The following NUP93 variants were observed in gnomAD, a reference collection of about 807,000 sequenced individuals.
NUP93 encodes nuclear pore complex protein Nup93.
A neutral mutation model predicts 107.8 loss-of-function variants in NUP93; 55 were observed. That is an observed-to-expected ratio of 0.51 (90% CI 0.41 to 0.64). The LOEUF is 0.64. Ranked by LOEUF, NUP93 falls within the 30% of genes least tolerant of loss-of-function variation. The pLI, the probability that NUP93 is intolerant of heterozygous loss-of-function variation, is 0.00. For missense variants in NUP93, 937 were observed against 1,044.7 expected (o/e 0.90, Z 1.42); for synonymous variants, 390 against 397.5 (o/e 0.98, Z 0.22).
chr16:56,772,460 T>C (rs1297170725), intron 3 of NUP93, among the ~76,000 whole-genome samples: 1 of 152,256 alleles, frequency 6.6e-6, no homozygotes, highest in Non-Finnish European at 1.5e-5. Flanking sequence ...TATTCTTTTC[T>C]GCAAAGACAC....
At chr16:56,785,487 G>A (rs1340632685) in intron 3 of NUP93, among the ~76,000 whole-genome samples, 1 of 152,108 alleles carries the variant, frequency 6.6e-6, no homozygotes, top group South Asian at 2.1e-4. Context: ...ATTTTAGCCT[G>A]GCTGATAGTG....
chr16:56,739,613 C>T (rs1327798810), intron 1 of NUP93, among the ~76,000 whole-genome samples: 14 of 100,304 alleles, frequency 1.4e-4, no homozygotes, highest in East Asian at 7.8e-4. Context: ...GGCGGCTGGC[C>T]GGGCGGGGGG....
At chr16:56,823,928 C>G (rs971782741) in intron 8 of NUP93, 82 bp downstream of exon 8, 4 of 1,509,192 alleles carry the variant, frequency 2.7e-6, no homozygotes, top group Admixed American at 3.6e-5. Flanking sequence ...TGTCCTCAGG[C>G]TAGGTGTGCT....
At position 56,841,774 on chromosome 16, in the gene NUP93, A is replaced by G. The variant is rs770568073; in HGVS notation, c.2290A>G (p.Lys764Glu). Residue 764 changes from lysine (K) to glutamate (E), a missense_variant, in exon 21 of 22, where the codon AAG becomes GAG. By Grantham distance (56) the Lys-to-Glu change is moderately conservative. Coordinates refer to ENST00000308159, the MANE Select transcript of NUP93 (RefSeq NM_014669.5). The part of the protein sequence containing the change: ...NILFTQFKRL[K>E]GTSPSSSSRP... Reference sequence around the variant, plus strand: ...CTTGTTCACACAGTTTAAGAGGCTCAAGGGGACAAGTCCATCCTCGTCATC... The same window carrying G: ...CTTGTTCACACAGTTTAAGAGGCTCGAGGGGACAAGTCCATCCTCGTCATC... 2 of 1,613,528 alleles carry G rather than the reference A, an allele frequency of 1.2e-6. No individual in the cohort carries two copies. The highest frequency in any genetic ancestry group is 1.7e-5 in the Admixed American group (1 of 60,024).
chr16:56,784,098 T>A (rs553196933), intron 3 of NUP93, among the ~76,000 whole-genome samples: 1 of 152,178 alleles, frequency 6.6e-6, no homozygotes, highest in African/African-American at 2.4e-5. Flanking sequence ...TAATTATTCA[T>A]CAGTAATTTA....
rs75635391 is a variant in NUP93, at chr16:56,797,902, T to C, written c.298-574T>C. 3.2e-3 allele frequency among the ~76,000 whole-genome samples: 492 copies of C among 152,300 alleles called. 6 individuals carry two copies. Among genetic ancestry groups the C allele is most frequent in the African/African-American group, 0.011 (465 of 41,544 alleles). On this transcript the variant is annotated intron_variant, in intron 3 of 21. Transcript: ENST00000308159. ...TATTAAACTAGACTTGTAGGCTGTC[T>C]TTTCACCTCACCTGTATTAAACGAG...
chr16:56,743,533 G>C (rs1961771710), intron 1 of NUP93, among the ~76,000 whole-genome samples: 1 of 152,110 alleles, frequency 6.6e-6, no homozygotes, highest in African/African-American at 2.4e-5. Context: ...TTAGCATAGT[G>C]GGGTATCCTA....
Position 56,750,874 on chromosome 16 carries a change from T to A in NUP93, c.179+2448T>A, listed in dbSNP as rs531167191. Among the ~76,000 whole-genome samples the A allele has an allele frequency of 6.6e-5, 10 of 152,310 alleles. No individual in the cohort carries two copies. In the South Asian group the frequency reaches 2.1e-3, roughly 32 times the overall value. ...ACATTTTATCAACTGAAACAGAATA[T>A]TGAGCTGGGTGCCGTGGCTCATGCC... On this transcript the variant is annotated intron_variant, in intron 2 of 21. Transcript: ENST00000308159.
chr16:56,772,577 G>T (rs1962341461), intron 3 of NUP93, among the ~76,000 whole-genome samples: 1 of 152,194 alleles, frequency 6.6e-6, no homozygotes, highest in African/African-American at 2.4e-5. Flanking sequence ...CCCATCAGGG[G>T]CCTGGAAGCT....
intron 3 of NUP93, among the ~76,000 whole-genome samples, chr16:56,778,252 G>A (rs1160435570): frequency 2.0e-5 from 3 of 152,214 alleles, no homozygotes; most frequent in Non-Finnish European, 4.4e-5. Context: ...TAGCTTGCCG[G>A]AAGTGAAAGA....
At chr16:56,748,452 T>C in intron 2 of NUP93, 26 bp downstream of exon 2, 1 of 1,560,978 alleles carries the variant, frequency 6.4e-7, no homozygotes, top group South Asian at 1.2e-5. Flanking sequence ...GAGACAGCAT[T>C]AGTACTGGGT....
chr16:56,733,673 C>G (rs1961568405), intron 1 of NUP93, among the ~76,000 whole-genome samples: 1 of 152,186 alleles, frequency 6.6e-6, no homozygotes, highest in South Asian at 2.1e-4. Context: ...GTTGGAAATA[C>G]TGGCTTGGGA....
At chr16:56,739,530 C>T (rs1961673400) in intron 1 of NUP93, among the ~76,000 whole-genome samples, 2 of 117,698 alleles carry the variant, frequency 1.7e-5, no homozygotes, top group East Asian at 3.3e-4. Context: ...GGGGCTGACC[C>T]CCCCCCACCT....
At chr16:56,815,865 A>ACTGCTGCTGCTGCTGCTG (rs59958027) in intron 5 of NUP93, among the ~76,000 whole-genome samples, 124 of 147,076 alleles carry the variant, frequency 8.4e-4, no homozygotes, top group Admixed American at 1.2e-3. Context: ...TACTACTGCT[A>ACTGCTGCTGCTGCTGCTG]CTGCTGCTGC....
chr16:56,734,474 T>G (rs1179198119), intron 1 of NUP93, among the ~76,000 whole-genome samples: 1 of 152,074 alleles, frequency 6.6e-6, no homozygotes, highest in African/African-American at 2.4e-5. Flanking sequence ...CAGCACAGGG[T>G]AAGGACTTTG....
At chr16:56,811,595 C>T (rs1380917674) in intron 5 of NUP93, among the ~76,000 whole-genome samples, 4 of 152,014 alleles carry the variant, frequency 2.6e-5, no homozygotes, top group South Asian at 2.1e-4. Context: ...CTCAGCCTCC[C>T]GAATAGCTGG....
At chr16:56,798,427 AT>A in intron 3 of NUP93, 48 bp from the exon 4 acceptor site, 1 of 1,535,760 alleles carries the variant, frequency 6.5e-7, no homozygotes, top group Non-Finnish European at 9.0e-7. Context: ...TATACTTTTG[AT>A]TTTTTGAAAG....
chr16:56,758,465 G>A (rs1374564989), intron 2 of NUP93, 73 bp from the exon 3 acceptor site: 15 of 1,067,710 alleles, frequency 1.4e-5, no homozygotes, highest in Non-Finnish European at 2.0e-5. Flanking sequence ...ATTTGATGAA[G>A]CATATTAGAT....
chr16:56,815,968 A>C (rs538733546), intron 5 of NUP93, among the ~76,000 whole-genome samples: 1 of 145,688 alleles, frequency 6.9e-6, no homozygotes, highest in African/African-American at 2.5e-5. Flanking sequence ...ACTACTCTCT[A>C]CTGTTCTGTG....
Sources: gnomAD v4.1 joint callset for allele counts (sites outside exome capture counted in the v4.1 genomes callset) on GRCh38, gnomAD v4.1.1 for gene constraint, MANE v1.5 for transcripts, NCBI Gene and HGNC (gene_info 2026-07-23, HGNC 2026-07-21) for gene names.